Variants in SOAT1 observed in about 807,000 individuals in gnomAD.
The protein encoded by SOAT1 is acyl-coenzyme A:cholesterol acyltransferase 1.
Under a neutral mutation model 69.5 loss-of-function variants are expected in SOAT1, and 55 were observed. That is an observed-to-expected ratio of 0.79 (90% CI 0.64 to 0.99). The LOEUF is 0.99. Among genes scored for constraint, SOAT1 ranks in the 50% least tolerant of loss-of-function variants. The pLI is 0.00. For missense variants in SOAT1, 580 were observed against 669.3 expected (o/e 0.87, Z 1.47); for synonymous variants, 231 against 224.7 (o/e 1.03, Z -0.25).
chr1:179,314,869 A>G (rs1665339360), intron 2 of SOAT1, among the ~76,000 whole-genome samples: 1 of 152,220 alleles, frequency 6.6e-6, no homozygotes, highest in Admixed American at 6.5e-5. Context: ...TAAAAGAGAT[A>G]GCATTTATTC....
At chr1:179,296,625 T>A (rs898940183) in intron 1 of SOAT1, among the ~76,000 whole-genome samples, 1 of 152,238 alleles carries the variant, frequency 6.6e-6, no homozygotes, top group African/African-American at 2.4e-5. Context: ...TGTAGCGTTG[T>A]GTTAGGGCCA....
intron 12 of SOAT1, 76 bp downstream of exon 12, chr1:179,347,773 CTAATGTCACCAGCCTTTCA>C (rs1666587888): frequency 1.2e-6 from 1 of 818,322 alleles, no homozygotes; most frequent in African/African-American, 1.7e-5. Flanking sequence ...ACATTGTTGG[CTAATGTCACCAGCCTTTCA>C]CACAAACATT....
chr1:179,303,074 A>G (rs1664891043), intron 2 of SOAT1, among the ~76,000 whole-genome samples: 1 of 152,226 alleles, frequency 6.6e-6, no homozygotes, highest in African/African-American at 2.4e-5. Context: ...TGCTGGGGCT[A>G]TAGCAGTGAT....
intron 11 of SOAT1, among the ~76,000 whole-genome samples, chr1:179,347,042 A>T (rs2125000136): frequency 6.6e-6 from 1 of 152,222 alleles, no homozygotes; most frequent in Middle Eastern, 3.4e-3. Flanking sequence ...AAGTTAAGCC[A>T]TATATTTAGG....
chr1:179,297,525 C>T (rs921699893), intron 1 of SOAT1, among the ~76,000 whole-genome samples: 20 of 151,746 alleles, frequency 1.3e-4, no homozygotes, highest in Admixed American at 6.6e-4. Context: ...TTAGTAGAGA[C>T]GGGGTTTCAT....
chr1:179,306,830 CAAAA>C (rs11461908), intron 2 of SOAT1, among the ~76,000 whole-genome samples: 3 of 96,650 alleles, frequency 3.1e-5, no homozygotes, highest in African/African-American at 4.6e-5. Context: ...GACTCCATCT[CAAAA>C]AAAAAAAAAA....
intron 15 of SOAT1, among the ~76,000 whole-genome samples, chr1:179,352,271 T>G (rs1444304766): frequency 1.3e-5 from 2 of 151,974 alleles, no homozygotes; most frequent in Non-Finnish European, 2.9e-5. Flanking sequence ...TTTAAGAATT[T>G]TATTTTCAAG....
At chr1:179,299,601 AATAATAC>A (rs1664761878) in intron 1 of SOAT1, among the ~76,000 whole-genome samples, 1 of 152,190 alleles carries the variant, frequency 6.6e-6, no homozygotes, top group African/African-American at 2.4e-5. Flanking sequence ...TTGAGATGAA[AATAATAC>A]ATGTAAAACA....
In SOAT1 at chr1:179,341,086, T is replaced by G. The variant is rs376626862; in HGVS notation, c.556T>G (p.Trp186Gly). The change falls in exon 7 of 16, where the codon TGG becomes GGG. Residue 186 changes from tryptophan to glycine, a missense_variant. Physicochemically the swap from Trp to Gly is radical, Grantham distance 184. Coordinates refer to ENST00000367619, the MANE Select transcript of SOAT1 (RefSeq NM_003101.6). ...YAFGKFPTVV[W>G]TWWIMFLSTF... ...TTTTGGCAAATTTCCTACCGTTGTTTGGACCTGGTGGATCATGTTCCTGTC... is the reference window on the plus strand; with the variant it reads ...TTTTGGCAAATTTCCTACCGTTGTTGGGACCTGGTGGATCATGTTCCTGTC... 18 of 1,614,040 alleles carry G rather than the reference T, an allele frequency of 1.1e-5. No homozygotes were observed. Among genetic ancestry groups the G allele is most frequent in the Non-Finnish European group, 1.4e-5 (16 of 1,180,028 alleles).
intron 2 of SOAT1, among the ~76,000 whole-genome samples, chr1:179,316,804 G>A (rs2254623): frequency 0.27 from 41,777 of 152,058 alleles, 6,094 homozygotes; most frequent in African/African-American, 0.37. Context: ...TTATCTCTCT[G>A]TATAGAGCTC....
At chr1:179,308,670 C>CAAAA (rs552539528) in intron 2 of SOAT1, among the ~76,000 whole-genome samples, 1 of 99,316 alleles carries the variant, frequency 1.0e-5, no homozygotes. Context: ...AGACTCCGTC[C>CAAAA]AAAAAAAAAA....
At position 179,335,606 on chromosome 1, in the gene SOAT1, C is replaced by T. The variant is rs751392105; in HGVS notation, c.278C>T (p.Ala93Val). 6.2e-7 allele frequency: 1 copy of T among 1,613,918 alleles called. No homozygotes were observed. The highest frequency in any genetic ancestry group is 8.5e-7 in the Non-Finnish European group (1 of 1,179,880). ...GCATCATTAGATAATGGTGGGTGCG[C>T]TCTCACAACCTTTTCTGTTCTTGAA... is the stretch of plus-strand genomic sequence containing the variant. ...KSASLDNGGC[A>V]LTTFSVLEGE... is the part of the protein sequence containing the mutation. Residue 93 changes from alanine to valine, a missense_variant, in exon 4 of 16, where the codon GCT (alanine) becomes GTT (valine). Physicochemically the swap from Ala to Val is moderately conservative, Grantham distance 64. Transcript: ENST00000367619.
rs769000331 is a variant in SOAT1 at position 179,350,282 on chromosome 1, TC to T, written c.1315-12del. On this transcript the variant is annotated splice_polypyrimidine_tract_variant and intron_variant, in intron 13 of 15. Transcript: ENST00000367619. ...TTTTAAAAATTACTTTGTAGTGTTTTCCTTTTTCTTTAGTTTTTCTCCAAGA... is the reference window on the plus strand; with the variant it reads ...TTTTAAAAATTACTTTGTAGTGTTTTCTTTTTCTTTAGTTTTTCTCCAAGA... 4 of 1,608,460 alleles carry T rather than the reference TC, an allele frequency of 2.5e-6. No individual in the cohort carries two copies. In the African/African-American group the frequency reaches 4.0e-5, roughly 16 times the overall value.
chr1:179,351,309 A>G lies in SOAT1; in HGVS notation c.1451-8A>G. On this transcript the variant is annotated splice_polypyrimidine_tract_variant and splice_region_variant and intron_variant, in intron 14 of 15. Transcript: ENST00000367619. ...CTGTATATTTCTTTGTTGCCTTCCTATTTTTAGTGGCTTTCAACTTCATTG... is the reference window on the plus strand; with the variant it reads ...CTGTATATTTCTTTGTTGCCTTCCTGTTTTTAGTGGCTTTCAACTTCATTG... The G allele has an allele frequency of 6.2e-7, 1 of 1,613,402 alleles. No homozygotes were observed.
chr1:179,347,595 T>G lies in SOAT1; in HGVS notation c.1118-5T>G. 1 of 1,578,976 alleles carries G rather than the reference T, an allele frequency of 6.3e-7. No individual in the cohort carries two copies. Among genetic ancestry groups the G allele is most frequent in the African/African-American group, 1.3e-5 (1 of 74,186 alleles). On this transcript the variant is annotated splice_polypyrimidine_tract_variant and splice_region_variant and intron_variant, in intron 11 of 15. Coordinates refer to ENST00000367619, the MANE Select transcript of SOAT1 (RefSeq NM_003101.6). Reference sequence around the variant, plus strand: ...GACTGTTAATATTGTTAATCTTATTTTTAGGTGTGCTGATTCTCTTCCTTA... The same window carrying G: ...GACTGTTAATATTGTTAATCTTATTGTTAGGTGTGCTGATTCTCTTCCTTA...
rs1435939917 is a variant in SOAT1, at chr1:179,344,439, G to A, written c.988-508G>A. ...ACCGATGCTGGAGTGCAGTGATGCAGTCTTGGCTCACTGCAACCTCTACCT... is the reference window on the plus strand; with the variant it reads ...ACCGATGCTGGAGTGCAGTGATGCAATCTTGGCTCACTGCAACCTCTACCT... On this transcript the variant is annotated intron_variant, in intron 10 of 15. Coordinates refer to ENST00000367619, the MANE Select transcript of SOAT1 (RefSeq NM_003101.6). 2.9e-5 allele frequency among the ~76,000 whole-genome samples: 4 copies of A among 138,482 alleles called. No individual in the cohort carries two copies. The East Asian group carries it at 9.4e-4, about 32-fold the overall frequency. The allele number at this position is 138,482 out of a possible 152,430, so 90.8% of individuals were successfully genotyped here.
intron 3 of SOAT1, among the ~76,000 whole-genome samples, chr1:179,333,957 A>G (rs1666060809): frequency 6.6e-6 from 1 of 152,248 alleles, no homozygotes; most frequent in African/African-American, 2.4e-5. Flanking sequence ...GTCGGCTGCA[A>G]CCATGGCGGA....
At chr1:179,301,223 A>G (rs1417236810) in intron 1 of SOAT1, among the ~76,000 whole-genome samples, 7 of 152,212 alleles carry the variant, frequency 4.6e-5, no homozygotes, top group Non-Finnish European at 8.8e-5. Context: ...GTGTGCCACC[A>G]TGCCCAACTA....
rs1203548482 is a variant in SOAT1 at position 179,350,443 on chromosome 1, G to A, written c.1450+12G>A. The A allele has an allele frequency of 1.9e-6, 3 of 1,612,572 alleles. No homozygotes were observed. The highest frequency in any genetic ancestry group is 2.5e-6 in the Non-Finnish European group (3 of 1,179,616). On this transcript the variant is annotated intron_variant, in intron 14 of 15. Coordinates refer to ENST00000367619, the MANE Select transcript of SOAT1 (RefSeq NM_003101.6). ...CATGTTCTTTGGAAGTAAGTATCTT[G>A]GTATGCTGTGAGTACTGGGTACTAT...
Sources: allele counts gnomAD v4.1 joint callset (sites outside exome capture counted in the v4.1 genomes callset), GRCh38; gene constraint gnomAD v4.1.1; transcripts MANE v1.5; gene names NCBI Gene and HGNC (gene_info 2026-07-23, HGNC 2026-07-21).